The following VPS13D variants were observed in gnomAD, a reference collection of about 807,000 sequenced individuals.
The protein encoded by VPS13D is vacuolar protein sorting 13 homolog D, also known as intermembrane lipid transfer protein VPS13D.
A neutral mutation model predicts 461.9 loss-of-function variants in VPS13D; 187 were observed. The ratio of observed to expected loss-of-function variants is 0.40; its 90% CI spans 0.36 to 0.46. The LOEUF is 0.46. Ranked by LOEUF, VPS13D falls within the 20% of genes least tolerant of loss-of-function variation. VPS13D has a pLI of 0.60. For missense variants in VPS13D, 4,711 were observed against 5,364.9 expected (o/e 0.88, Z 3.81); for synonymous variants, 1,951 against 1,986.3 (o/e 0.98, Z 0.47).
chr1:12,322,751 G>T lies in VPS13D; in HGVS notation c.7915+5G>T. The T allele has an allele frequency of 6.2e-7, 1 of 1,613,380 alleles. No homozygotes were observed. Among genetic ancestry groups the T allele is most frequent in the South Asian group, 1.1e-5 (1 of 90,994 alleles). ...ACACCTTAGATCCTGTCTTGGGTAG[G>T]TGTTTAACTATAAAACCCACTCAGT... On this transcript the variant is annotated splice_donor_5th_base_variant and intron_variant, in intron 34 of 69. Transcript: ENST00000620676.
intron 67 of VPS13D, among the ~76,000 whole-genome samples, chr1:12,482,107 C>T (rs975530730): frequency 6.6e-6 from 1 of 152,154 alleles, no homozygotes; most frequent in Non-Finnish European, 1.5e-5. Context: ...GTCAGGCAGG[C>T]TAGGAAGGAG....
chr1:12,322,829 T>A, intron 34 of VPS13D, 83 bp downstream of exon 34: 1 of 1,168,988 alleles, frequency 8.6e-7, no homozygotes, highest in Non-Finnish European at 1.2e-6. Context: ...TTTGCACAAC[T>A]AAATTGTACA....
chr1:12,492,952 AAAAG>A (rs1183271543), intron 67 of VPS13D, among the ~76,000 whole-genome samples: 1 of 152,242 alleles, frequency 6.6e-6, no homozygotes, highest in Non-Finnish European at 1.5e-5. Flanking sequence ...GGCTACATAA[AAAAG>A]AAAAGCACAG....
intron 6 of VPS13D, among the ~76,000 whole-genome samples, chr1:12,249,783 A>G (rs1640675213): frequency 6.6e-6 from 1 of 151,926 alleles, no homozygotes; most frequent in African/African-American, 2.4e-5. Flanking sequence ...GTTTCTTCAC[A>G]CTCTACACAA....
intron 57 of VPS13D, among the ~76,000 whole-genome samples, chr1:12,380,954 G>A (rs1321356142): frequency 6.6e-6 from 1 of 152,176 alleles, no homozygotes; most frequent in Non-Finnish European, 1.5e-5. Context: ...GTTATAATTG[G>A]TGGGTTTCAT....
chr1:12,346,947 TGAC>T (rs1643690501), intron 44 of VPS13D, among the ~76,000 whole-genome samples: 1 of 152,236 alleles, frequency 6.6e-6, no homozygotes, highest in African/African-American at 2.4e-5. Flanking sequence ...AACCCTGGTA[TGAC>T]CATATGTGTT....
At chr1:12,303,640 G>C (rs1431675742) in intron 25 of VPS13D, among the ~76,000 whole-genome samples, 2 of 152,186 alleles carry the variant, frequency 1.3e-5, no homozygotes, top group Admixed American at 6.5e-5. Context: ...CAGTGTTTTT[G>C]TATTCTTTTC....
intron 13 of VPS13D, 134 bp downstream of exon 13, chr1:12,262,214 G>T: frequency 1.0e-6 from 1 of 960,858 alleles, no homozygotes; most frequent in African/African-American, 1.6e-5. Flanking sequence ...TGGAACCATT[G>T]CTCTTAGGGG....
chr1:12,321,405 A>G (rs545703837), intron 32 of VPS13D, among the ~76,000 whole-genome samples: 3 of 152,216 alleles, frequency 2.0e-5, no homozygotes, highest in South Asian at 2.1e-4. Flanking sequence ...TAAAATCCAT[A>G]TGGTCTTTTT....
At chr1:12,441,277 T>C (rs1645127733) in intron 65 of VPS13D, among the ~76,000 whole-genome samples, 1 of 152,080 alleles carries the variant, frequency 6.6e-6, no homozygotes, top group Non-Finnish European at 1.5e-5. Flanking sequence ...TTGTATGAAA[T>C]GGGGATGGAG....
chr1:12,456,226 G>C, intron 66 of VPS13D, 96 bp downstream of exon 66: 2 of 1,468,326 alleles, frequency 1.4e-6, no homozygotes, highest in Non-Finnish European at 1.8e-6. Context: ...AAGGTGGGCT[G>C]GGCGCGGTGG....
intron 67 of VPS13D, among the ~76,000 whole-genome samples, chr1:12,479,326 C>T (rs1645680626): frequency 6.6e-6 from 1 of 152,240 alleles, no homozygotes; most frequent in Non-Finnish European, 1.5e-5. Context: ...AAACTCGGGA[C>T]CTGCCTGTGC....
intron 21 of VPS13D, among the ~76,000 whole-genome samples, chr1:12,287,603 C>T: frequency 6.6e-6 from 1 of 152,166 alleles, no homozygotes; most frequent in Admixed American, 6.5e-5. Context: ...GGAACTGACT[C>T]AACAAATCCT....
At chr1:12,355,141 G>A (rs867357784) in intron 47 of VPS13D, among the ~76,000 whole-genome samples, 9 of 152,230 alleles carry the variant, frequency 5.9e-5, no homozygotes, top group Admixed American at 3.9e-4. Flanking sequence ...GTATGAGTGG[G>A]TTGAAGTGTG....
chr1:12,340,400 C>T (rs1643543068), intron 40 of VPS13D, among the ~76,000 whole-genome samples: 1 of 152,162 alleles, frequency 6.6e-6, no homozygotes, highest in South Asian at 2.1e-4. Flanking sequence ...ATAGAACTTG[C>T]CTTGACCCAA....
intron 65 of VPS13D, among the ~76,000 whole-genome samples, chr1:12,430,740 G>A (rs993855306): frequency 1.3e-5 from 2 of 152,194 alleles, no homozygotes; most frequent in East Asian, 1.9e-4. Context: ...TTCCAAGAGG[G>A]CCTTGCTTTC....
rs766126350 is a variant in VPS13D, at chr1:12,507,297, G to C, written c.13035+204G>C. ...CTGCCCTCCCAGCTGGCCCATGGGT[G>C]ACCCTGGGAACATTAACTGCCTCAC... is the stretch of plus-strand genomic sequence containing the variant. On this transcript the variant is annotated intron_variant, in intron 69 of 69. Coordinates refer to ENST00000620676, the MANE Select transcript of VPS13D (RefSeq NM_015378.4). The surrounding 1 kb of genome is among the most constrained non-coding windows in gnomAD (Gnocchi z 5.3). 3 of 906,932 alleles carry C rather than the reference G, an allele frequency of 3.3e-6. No homozygotes were observed. In the East Asian group the frequency reaches 7.3e-5, roughly 22 times the overall value. The allele number at this position is 906,932 out of a possible 1,614,324, so 56.2% of individuals were successfully genotyped here.
chr1:12,498,948 G>A (rs899023518), intron 68 of VPS13D, among the ~76,000 whole-genome samples: 1 of 152,114 alleles, frequency 6.6e-6, no homozygotes, highest in Non-Finnish European at 1.5e-5. Context: ...ATATGAATTG[G>A]CGGGGAGGGG....
intron 67 of VPS13D, among the ~76,000 whole-genome samples, chr1:12,486,741 A>G (rs1431748875): frequency 1.3e-5 from 2 of 152,100 alleles, no homozygotes; most frequent in Non-Finnish European, 2.9e-5. Context: ...TCAGAGGAGG[A>G]GTTCCACTGC....
Sources: gnomAD v4.1 joint callset for allele counts (sites outside exome capture counted in the v4.1 genomes callset) on GRCh38, gnomAD v4.1.1 for gene constraint, Gnocchi (gnomAD v3.1) non-coding constraint, MANE v1.5 for transcripts, NCBI Gene and HGNC (gene_info 2026-07-23, HGNC 2026-07-21) for gene names.